UTY: variants seen among roughly 807,000 people sequenced by gnomAD.
UTY encodes histone demethylase UTY.
Under a neutral mutation model 32.5 loss-of-function variants are expected in UTY, and 12 were observed. The ratio of observed to expected loss-of-function variants is 0.37; its 90% CI spans 0.24 to 0.60. The LOEUF is 0.60. UTY is among the 20% of genes least tolerant of loss of function. UTY has a pLI of 0.69. For synonymous variants in UTY, 131 were observed against 103.4 expected, an observed-to-expected ratio of 1.27 and a Z score of -1.62; for missense variants, 303 against 299.2, an observed-to-expected ratio of 1.01 and a Z score of -0.09.
chrY:13,399,797 G>C (rs1035409650), intron 6 of UTY, among the ~76,000 whole-genome samples: 6 of 33,668 alleles, frequency 1.8e-4, no homozygotes, highest in Non-Finnish European at 3.7e-4. Flanking sequence ...AGGCAAATAA[G>C]AAACAGGTAC....
chrY:13,413,666 G>C lies in UTY; in HGVS notation c.434+1069C>G. 8.6e-5 allele frequency among the ~76,000 whole-genome samples: 3 copies of C among 34,953 alleles called. No homozygotes were observed. The South Asian group carries it at 1.8e-3, about 21-fold the overall frequency. 93.8% of individuals were successfully genotyped at this position (34,953 alleles called of 37,273 possible). ...GCCACAGCGTTCCCGTAGTCCAGTT[G>C]CCAGCACCCAAGGCGGAAGCCGCTG... On this transcript the variant is annotated intron_variant, in intron 5 of 29. Transcript: ENST00000545955.
chrY:13,282,024 A>C, intron 27 of UTY, among the ~76,000 whole-genome samples: 1 of 33,462 alleles, frequency 3.0e-5, no homozygotes, highest in African/African-American at 1.2e-4. Context: ...GCCAAAAAAC[A>C]AGTCTTAAAA....
At chrY:13,254,132 C>A in intron 28 of UTY, among the ~76,000 whole-genome samples, 1 of 33,218 alleles carries the variant, frequency 3.0e-5, no homozygotes, top group Admixed American at 2.7e-4. Context: ...ATGCTAATCC[C>A]AACTGCCAGG....
intron 4 of UTY, among the ~76,000 whole-genome samples, chrY:13,423,373 T>C: frequency 3.0e-5 from 1 of 33,247 alleles, no homozygotes; most frequent in African/African-American, 1.2e-4. Context: ...CAATTACCAC[T>C]AGGAAGCAGA....
chrY:13,344,247 A>G (rs2149118821), intron 17 of UTY, among the ~76,000 whole-genome samples: 2 of 34,139 alleles, frequency 5.9e-5, no homozygotes, highest in Non-Finnish European at 1.5e-4. Flanking sequence ...CCCAGAAGCA[A>G]TAGCCACCCA....
chrY:13,406,106 T>C, intron 6 of UTY, among the ~76,000 whole-genome samples: 1 of 33,291 alleles, frequency 3.0e-5, no homozygotes, highest in African/African-American at 1.2e-4. Context: ...CCATTCGATA[T>C]TTGTTAAGAA....
At chrY:13,466,771 G>C in intron 3 of UTY, among the ~76,000 whole-genome samples, 1 of 33,834 alleles carries the variant, frequency 3.0e-5, no homozygotes, top group Non-Finnish European at 7.3e-5. Context: ...TGAATGGCTG[G>C]AATCTCAGTT....
At chrY:13,446,551 GAGATAGATAGAT>G (rs765977720) in intron 4 of UTY, among the ~76,000 whole-genome samples, 1,890 of 10,374 alleles carry the variant, frequency 0.18, no homozygotes, top group South Asian at 0.31. Context: ...GTAACAGTGT[GAGATAGATAGAT>G]AGATAGATAG....
chrY:13,294,703 A>G (rs2057927154), intron 27 of UTY, among the ~76,000 whole-genome samples: 1 of 33,996 alleles, frequency 2.9e-5, no homozygotes, highest in African/African-American at 1.1e-4. Flanking sequence ...CAGAAAGAAT[A>G]GGTTCAGGGT....
At chrY:13,319,271 CATT>C (rs2059679350) in intron 21 of UTY, among the ~76,000 whole-genome samples, 5 of 33,401 alleles carry the variant, frequency 1.5e-4, no homozygotes, top group Non-Finnish European at 3.7e-4. Context: ...ATTCCTATGC[CATT>C]ATTATTAAGT....
intron 21 of UTY, among the ~76,000 whole-genome samples, chrY:13,319,900 T>C: frequency 3.0e-5 from 1 of 33,369 alleles, no homozygotes; most frequent in African/African-American, 1.2e-4. Context: ...TTTAAAAAAA[T>C]TATTGAGTTA....
At chrY:13,477,171 C>G (rs2079148207) in intron 2 of UTY, among the ~76,000 whole-genome samples, 1 of 33,001 alleles carries the variant, frequency 3.0e-5, no homozygotes, top group Non-Finnish European at 7.4e-5. Context: ...AATATGTCCC[C>G]CAAAGTTCAT....
intron 13 of UTY, 135 bp downstream of exon 13, chrY:13,358,953 T>G: frequency 1.6e-5 from 4 of 246,149 alleles, no homozygotes; most frequent in Non-Finnish European, 2.3e-5. Context: ...ATTAAAAAAT[T>G]TTTATTTTTT....
At chrY:13,320,083 A>G in intron 21 of UTY, among the ~76,000 whole-genome samples, 1 of 33,147 alleles carries the variant, frequency 3.0e-5, no homozygotes, top group Admixed American at 2.8e-4. Flanking sequence ...TAACATCCAA[A>G]AACGACATAT....
At chrY:13,452,005 A>G in intron 3 of UTY, among the ~76,000 whole-genome samples, 1 of 33,813 alleles carries the variant, frequency 3.0e-5, no homozygotes, top group Non-Finnish European at 7.3e-5. Context: ...CAAAAAGCCT[A>G]ACTCAGTAAT....
At chrY:13,362,287 C>T in intron 10 of UTY, among the ~76,000 whole-genome samples, 1 of 33,730 alleles carries the variant, frequency 3.0e-5, no homozygotes, top group Admixed American at 2.6e-4. Flanking sequence ...ATAATAATTA[C>T]ATGTCACCTT....
intron 17 of UTY, among the ~76,000 whole-genome samples, chrY:13,339,661 A>G: frequency 3.0e-5 from 1 of 33,581 alleles, no homozygotes; most frequent in Non-Finnish European, 7.4e-5. Context: ...AAAGTGTGTG[A>G]AAGAGACGGT....
intron 27 of UTY, among the ~76,000 whole-genome samples, chrY:13,289,475 C>T (rs2057629097): frequency 2.9e-5 from 1 of 33,938 alleles, no homozygotes; most frequent in Non-Finnish European, 7.3e-5. Context: ...AACTCCCTGC[C>T]TTGTTCTGTT....
intron 4 of UTY, among the ~76,000 whole-genome samples, chrY:13,447,243 G>A (rs991537018): frequency 2.1e-4 from 7 of 32,740 alleles, no homozygotes; most frequent in Admixed American, 5.7e-4. Context: ...CTCTTCTTGT[G>A]TTAGCTTGCC....
Sources: gnomAD v4.1 joint callset for allele counts (sites outside exome capture counted in the v4.1 genomes callset) on GRCh38, gnomAD v4.1.1 for gene constraint, MANE v1.5 for transcripts, NCBI Gene and HGNC (gene_info 2026-07-23, HGNC 2026-07-21) for gene names.